SLC44A5: variants seen among roughly 807,000 people sequenced by gnomAD.
The protein encoded by SLC44A5 is solute carrier family 44 member 5.
In SLC44A5, 57 loss-of-function variants were observed where a neutral mutation model predicts 101.8. That is an observed-to-expected ratio of 0.56 (90% CI 0.45 to 0.70). The LOEUF is 0.70. SLC44A5 is among the 30% of genes least tolerant of loss of function. The pLI, the probability that SLC44A5 is intolerant of heterozygous loss-of-function variation, is 0.00. For synonymous variants in SLC44A5, 281 were observed against 290.9 expected, an observed-to-expected ratio of 0.97 and a Z score of 0.35; for missense variants, 737 against 853.1, an observed-to-expected ratio of 0.86 and a Z score of 1.70.
At chr1:75,413,107 T>C (rs778253098) in intron 2 of SLC44A5, among the ~76,000 whole-genome samples, 1 of 152,224 alleles carries the variant, frequency 6.6e-6, no homozygotes, top group Non-Finnish European at 1.5e-5. Flanking sequence ...ACTTTTATTA[T>C]GCTATGTTAT....
chr1:75,213,830 T>C, intron 21 of SLC44A5, 37 bp from the exon 22 acceptor site: 1 of 1,563,348 alleles, frequency 6.4e-7, no homozygotes, highest in African/African-American at 1.4e-5. Context: ...ATTATACTTT[T>C]GCAAAAGAAT....
chr1:75,206,719 C>T, intron 23 of SLC44A5: 1 of 1,557,302 alleles, frequency 6.4e-7, no homozygotes, highest in Non-Finnish European at 8.8e-7. Context: ...CAGATCTTCA[C>T]CTGTATATGC....
intron 5 of SLC44A5, 75 bp downstream of exon 5, chr1:75,300,537 A>AT (rs1329514597): frequency 9.9e-7 from 1 of 1,012,904 alleles, no homozygotes; most frequent in South Asian, 1.7e-5. Context: ...ACAATAATTA[A>AT]TTTTTTATAT....
intron 16 of SLC44A5, 70 bp downstream of exon 16, chr1:75,219,181 CCTACCA>C: frequency 9.4e-7 from 1 of 1,069,048 alleles, no homozygotes; most frequent in Non-Finnish European, 1.4e-6. Context: ...CGGGACAATT[CCTACCA>C]CAACTACAAA....
intron 2 of SLC44A5, among the ~76,000 whole-genome samples, chr1:75,451,027 C>T (rs1295677817): frequency 6.6e-6 from 1 of 152,184 alleles, no homozygotes; most frequent in East Asian, 1.9e-4. Flanking sequence ...CACCCCACAA[C>T]CCCAGGCAAG....
At chr1:75,569,322 C>T (rs1332785) in intron 1 of SLC44A5, among the ~76,000 whole-genome samples, 22,917 of 148,632 alleles carry the variant, frequency 0.15, 1,973 homozygotes, top group Admixed American at 0.24. Flanking sequence ...CTCACTGCAG[C>T]TTCTACCTCC....
chr1:75,620,284 A>G, the SLC44A5 span, among the ~76,000 whole-genome samples: 3 of 152,164 alleles, frequency 2.0e-5, no homozygotes, highest in Non-Finnish European at 4.4e-5. Flanking sequence ...ACAGTGCTGC[A>G]ATAAACATAC....
chr1:75,647,334 G>A, the SLC44A5 span, among the ~76,000 whole-genome samples: 1 of 152,240 alleles, frequency 6.6e-6, no homozygotes, highest in African/African-American at 2.4e-5. Context: ...GTATGGAAAT[G>A]CCTGGATGTC....
chr1:75,560,468 G>C (rs1485908323), intron 1 of SLC44A5, among the ~76,000 whole-genome samples: 1 of 152,108 alleles, frequency 6.6e-6, no homozygotes, highest in Admixed American at 6.5e-5. Flanking sequence ...TGAGTTTTGG[G>C]TTTCTTTTAG....
At chr1:75,700,321 G>A in the SLC44A5 span, among the ~76,000 whole-genome samples, 5 of 152,134 alleles carry the variant, frequency 3.3e-5, no homozygotes, top group Non-Finnish European at 5.9e-5. Flanking sequence ...AGACCACAGT[G>A]CAATCAAACT....
At chr1:75,282,867 C>CT (rs1652719622) in intron 5 of SLC44A5, among the ~76,000 whole-genome samples, 1 of 152,170 alleles carries the variant, frequency 6.6e-6, no homozygotes. Context: ...AACCACTTCC[C>CT]TTTATAAATT....
At chr1:75,230,523 A>G (rs1484605738) in intron 12 of SLC44A5, among the ~76,000 whole-genome samples, 2 of 152,128 alleles carry the variant, frequency 1.3e-5, no homozygotes, top group African/African-American at 4.8e-5. Flanking sequence ...TGCTGGGATT[A>G]CAGGTGTGAG....
At chr1:75,454,230 C>T (rs1666061474) in intron 2 of SLC44A5, among the ~76,000 whole-genome samples, 1 of 152,062 alleles carries the variant, frequency 6.6e-6, no homozygotes, top group Non-Finnish European at 1.5e-5. Flanking sequence ...TTTTGGTATA[C>T]AAGTTGGTTC....
the SLC44A5 span, among the ~76,000 whole-genome samples, chr1:75,700,992 C>A: frequency 2.0e-5 from 3 of 152,212 alleles, no homozygotes; most frequent in East Asian, 1.9e-4. Flanking sequence ...CAATAACAGG[C>A]TCTGAAATAG....
chr1:75,296,638 G>T (rs1009506749), intron 5 of SLC44A5, among the ~76,000 whole-genome samples: 2 of 151,898 alleles, frequency 1.3e-5, no homozygotes, highest in Admixed American at 1.3e-4. Flanking sequence ...CCACTACATA[G>T]CGAGGTGCCC....
At chr1:75,575,325 G>T (rs4949673) in intron 1 of SLC44A5, among the ~76,000 whole-genome samples, 76,371 of 151,914 alleles carry the variant, frequency 0.5, 20,763 homozygotes, top group East Asian at 0.91. Flanking sequence ...GGTAATACAG[G>T]GTACAATGTA....
intron 11 of SLC44A5, among the ~76,000 whole-genome samples, chr1:75,236,294 C>A (rs1025387970): frequency 2.0e-5 from 3 of 151,874 alleles, no homozygotes; most frequent in African/African-American, 7.2e-5. Context: ...ATTAGGGAAC[C>A]ATGGGAGCTT....
chr1:75,692,179 G>C, the SLC44A5 span, among the ~76,000 whole-genome samples: 1 of 143,782 alleles, frequency 7.0e-6, no homozygotes, highest in Non-Finnish European at 1.5e-5. Flanking sequence ...GAGAAAAGAT[G>C]GGATTCTTTT....
chr1:75,263,416 A>C (rs1650707454), intron 6 of SLC44A5, among the ~76,000 whole-genome samples: 1 of 152,194 alleles, frequency 6.6e-6, no homozygotes, highest in South Asian at 2.1e-4. Context: ...AAATAAAATC[A>C]AAACCACAAT....
Sources: gnomAD v4.1 joint callset for allele counts (sites outside exome capture counted in the v4.1 genomes callset) on GRCh38, gnomAD v4.1.1 for gene constraint, MANE v1.5 for transcripts, NCBI Gene and HGNC (gene_info 2026-07-23, HGNC 2026-07-21) for gene names.